Variants in POU6F2 observed in about 807,000 individuals in gnomAD.
POU6F2 encodes the protein POU class 6 homeobox 2, also known as POU domain, class 6, transcription factor 2.
Under a neutral mutation model 71.3 loss-of-function variants are expected in POU6F2, and 31 were observed. The observed-to-expected ratio is 0.43, with a 90% CI of 0.33 to 0.59. POU6F2 has a LOEUF of 0.59. Ranked by LOEUF, POU6F2 falls within the 20% of genes least tolerant of loss-of-function variation. The pLI, the probability that POU6F2 is intolerant of heterozygous loss-of-function variation, is 0.04. For synonymous variants in POU6F2, 347 were observed against 355.7 expected, an observed-to-expected ratio of 0.98 and a Z score of 0.27; for missense variants, 783 against 856.8, an observed-to-expected ratio of 0.91 and a Z score of 1.07.
At chr7:39,166,097 T>G (rs372480596) in intron 2 of POU6F2, among the ~76,000 whole-genome samples, 1 of 152,242 alleles carries the variant, frequency 6.6e-6, no homozygotes, top group Non-Finnish European at 1.5e-5. Flanking sequence ...GTATCCTATG[T>G]CTTGACATTT....
intron 4 of POU6F2, among the ~76,000 whole-genome samples, chr7:39,246,905 CTTT>C (rs398004470): frequency 0.013 from 1,052 of 78,068 alleles, 12 homozygotes; most frequent in African/African-American, 0.059. Flanking sequence ...TCCAGGGTGG[CTTT>C]TTTTTTTTTT....
intron 6 of POU6F2, among the ~76,000 whole-genome samples, chr7:39,407,473 C>T (rs1287021201): frequency 1.3e-5 from 2 of 149,394 alleles, no homozygotes; most frequent in African/African-American, 5.0e-5. Flanking sequence ...CCCAATAAAC[C>T]CAAAAGCTGC....
intron 1 of POU6F2, among the ~76,000 whole-genome samples, chr7:39,012,271 A>G (rs1789315529): frequency 6.6e-6 from 1 of 151,854 alleles, no homozygotes; most frequent in Admixed American, 6.5e-5. Context: ...CATTTCATTC[A>G]TTTCATCTTC....
chr7:39,419,168 T>C (rs967083144), intron 6 of POU6F2, among the ~76,000 whole-genome samples: 34 of 127,386 alleles, frequency 2.7e-4, no homozygotes, highest in Middle Eastern at 7.9e-3. Context: ...TATATACACA[T>C]ATATATACGT....
chr7:39,169,253 A>G (rs1476706178), intron 2 of POU6F2, among the ~76,000 whole-genome samples: 1 of 152,216 alleles, frequency 6.6e-6, no homozygotes, highest in Non-Finnish European at 1.5e-5. Flanking sequence ...TTAGTCACAG[A>G]AGAAAATTCT....
chr7:39,282,495 G>C (rs1583495416), intron 4 of POU6F2, among the ~76,000 whole-genome samples: 1 of 152,048 alleles, frequency 6.6e-6, no homozygotes, highest in Non-Finnish European at 1.5e-5. Context: ...TCATGTTTCT[G>C]CATGGCGATA....
chr7:39,389,404 T>C (rs1220895845), intron 5 of POU6F2, among the ~76,000 whole-genome samples: 1 of 152,186 alleles, frequency 6.6e-6, no homozygotes, highest in African/African-American at 2.4e-5. Context: ...TTTGGTTATA[T>C]CCAAAGTTTC....
At chr7:39,332,205 A>T (rs950953163) in intron 4 of POU6F2, among the ~76,000 whole-genome samples, 2 of 152,124 alleles carry the variant, frequency 1.3e-5, no homozygotes, top group African/African-American at 4.8e-5. Context: ...ACATTCTCAG[A>T]TTCTTCCAAA....
At chr7:39,385,950 TA>T (rs572135523) in intron 5 of POU6F2, among the ~76,000 whole-genome samples, 1 of 150,200 alleles carries the variant, frequency 6.7e-6, no homozygotes, top group Non-Finnish European at 1.5e-5. Flanking sequence ...TCATCTCTAC[TA>T]AAAAAAAATA....
intron 4 of POU6F2, among the ~76,000 whole-genome samples, chr7:39,283,503 A>G (rs1434457375): frequency 6.6e-6 from 1 of 152,194 alleles, no homozygotes; most frequent in African/African-American, 2.4e-5. Context: ...TAGGTATCTC[A>G]TGTAAATGGA....
intron 1 of POU6F2, among the ~76,000 whole-genome samples, chr7:38,994,021 T>C (rs1256562502): frequency 6.6e-6 from 1 of 152,174 alleles, no homozygotes; most frequent in Non-Finnish European, 1.5e-5. Flanking sequence ...CTGAGGCTAA[T>C]AAAAAGGCGA....
At chr7:39,254,083 CT>C in intron 4 of POU6F2, among the ~76,000 whole-genome samples, 1 of 152,284 alleles carries the variant, frequency 6.6e-6, no homozygotes, top group Non-Finnish European at 1.5e-5. Context: ...AATTTTCTCA[CT>C]CTGTGCAACC....
intron 5 of POU6F2, among the ~76,000 whole-genome samples, chr7:39,358,736 A>C (rs1786314378): frequency 6.6e-6 from 1 of 152,194 alleles, no homozygotes; most frequent in Admixed American, 6.5e-5. Flanking sequence ...CATTAATATC[A>C]GTTAATATTT....
chr7:39,457,667 A>C (rs577003158), intron 8 of POU6F2, among the ~76,000 whole-genome samples: 2 of 152,340 alleles, frequency 1.3e-5, no homozygotes, highest in African/African-American at 4.8e-5. Context: ...CCCCTGCATC[A>C]GAATCGCTTG....
intron 1 of POU6F2, among the ~76,000 whole-genome samples, chr7:39,027,196 A>G (rs1333696722): frequency 6.6e-6 from 1 of 152,128 alleles, no homozygotes; most frequent in African/African-American, 2.4e-5. Flanking sequence ...GAGTAATAGG[A>G]AATATATTTG....
chr7:39,439,656 T>A (rs1583604958), intron 7 of POU6F2, among the ~76,000 whole-genome samples: 1 of 152,130 alleles, frequency 6.6e-6, no homozygotes, highest in East Asian at 1.9e-4. Context: ...CACCTGGCTA[T>A]TTTTTGTATT....
intron 4 of POU6F2, among the ~76,000 whole-genome samples, chr7:39,221,596 C>T (rs369030423): frequency 1.4e-4 from 22 of 152,080 alleles, no homozygotes; most frequent in African/African-American, 5.1e-4. Context: ...CCATGTTGGC[C>T]AGGCTGGTCT....
chr7:38,997,327 T>C (rs1331434610), intron 1 of POU6F2, among the ~76,000 whole-genome samples: 1 of 152,206 alleles, frequency 6.6e-6, no homozygotes, highest in Non-Finnish European at 1.5e-5. Flanking sequence ...TCTAGTCTAA[T>C]TGAACTAGAC....
intron 5 of POU6F2, among the ~76,000 whole-genome samples, chr7:39,342,655 C>T (rs1318568477): frequency 6.6e-6 from 1 of 152,030 alleles, no homozygotes; most frequent in Non-Finnish European, 1.5e-5. Context: ...TGTGCAGATG[C>T]TCCCATATCT....
Sources: gnomAD v4.1 joint callset for allele counts (sites outside exome capture counted in the v4.1 genomes callset) on GRCh38, gnomAD v4.1.1 for gene constraint, MANE v1.5 for transcripts, NCBI Gene and HGNC (gene_info 2026-07-23, HGNC 2026-07-21) for gene names.